ZNF85: variants seen among roughly 807,000 people sequenced by gnomAD.
ZNF85 encodes the protein zinc finger protein 85, also known as zinc finger protein 85 (HPF4, HTF1).
Under a neutral mutation model 53.9 loss-of-function variants are expected in ZNF85, and 50 were observed. The ratio of observed to expected loss-of-function variants is 0.93; its 90% CI spans 0.74 to 1.17. ZNF85 has a LOEUF of 1.17. ZNF85 is among the 50% of genes most tolerant of loss of function. ZNF85 has a pLI of 0.00. For synonymous variants in ZNF85, 225 were observed against 226.1 expected (o/e 1.00, Z 0.04); for missense variants, 747 against 688.5 (o/e 1.08, Z -0.95).
intron 3 of ZNF85, among the ~76,000 whole-genome samples, chr19:20,940,972 A>G (rs1973281465): frequency 2.0e-5 from 3 of 152,212 alleles, no homozygotes; most frequent in South Asian, 2.1e-4. Context: ...ATGCTCAAAT[A>G]TGTCTCCCAG....
chr19:20,941,501 G>A (rs528173010), intron 3 of ZNF85, among the ~76,000 whole-genome samples: 2 of 152,238 alleles, frequency 1.3e-5, no homozygotes, highest in East Asian at 3.9e-4. Context: ...GACCTCAAGT[G>A]ATCCACCCGT....
intron 1 of ZNF85, chr19:20,928,021 A>C (rs1163794906): frequency 6.6e-6 from 1 of 151,928 alleles, no homozygotes; most frequent in Non-Finnish European, 1.5e-5. Flanking sequence ...CATTTCTTTC[A>C]TTTGACTTCT....
At position 20,949,702 on chromosome 19, in the gene ZNF85, A is replaced by C; in HGVS notation, c.1188A>C (p.Lys396Asn). 6.2e-7 allele frequency: 1 copy of C among 1,613,108 alleles called. No homozygotes were observed. The highest frequency in any genetic ancestry group is 8.5e-7 in the Non-Finnish European group (1 of 1,179,470). ...TTHKIIHTGEKPYKCKECGKA... is the reference protein window; with the variant it reads ...TTHKIIHTGENPYKCKECGKA... Reference sequence around the variant, plus strand: ...ATAAGATAATTCATACTGGAGAGAAACCTTACAAATGTAAAGAATGTGGTA... The same window carrying C: ...ATAAGATAATTCATACTGGAGAGAACCCTTACAAATGTAAAGAATGTGGTA... The change falls in exon 4 of 4, where the codon AAA becomes AAC. Residue 396 changes from lysine (K) to asparagine (N), a missense_variant. Lys to Asn is a moderately conservative substitution (Grantham distance 94, BLOSUM62 0). Coordinates refer to ENST00000328178, the MANE Select transcript of ZNF85 (RefSeq NM_003429.5).
chr19:20,950,393 CAAT>C lies in ZNF85; in HGVS notation c.*95_*97del. 2.1e-6 allele frequency: 2 copies of C among 940,166 alleles called. No individual in the cohort carries two copies. The highest frequency in any genetic ancestry group is 2.7e-5 in the East Asian group (1 of 37,088). 58.2% of individuals were successfully genotyped at this position (940,166 alleles called of 1,614,324 possible). ...GAAACTACTAACCTGAAAGATGTGA[CAAT>C]AATTTTGACAACACCTCAGACTTAT... On this transcript the variant is annotated 3_prime_UTR_variant, in exon 4 of 4. Transcript: ENST00000328178.
intron 3 of ZNF85, chr19:20,942,927 T>C (rs2144655615): frequency 3.4e-6 from 2 of 592,284 alleles, no homozygotes; most frequent in Admixed American, 6.2e-5. Context: ...AGACATGCAG[T>C]ACTATGCCTG....
intron 3 of ZNF85, chr19:20,943,999 A>C (rs1973363970): frequency 3.2e-6 from 1 of 316,874 alleles, no homozygotes; most frequent in East Asian, 1.7e-4. Context: ...TTGACTCTAT[A>C]TTTTCCAGTT....
At chr19:20,923,446 G>C (rs1599422334) in intron 1 of ZNF85, 43 bp downstream of exon 1, 3 of 1,613,530 alleles carry the variant, frequency 1.9e-6, no homozygotes, top group East Asian at 4.5e-5. Context: ...AAAGGGGTTG[G>C]TTGAAACCGG....
rs764146973 is a variant in ZNF85 at position 20,934,942 on chromosome 19, A to T, written c.131-7A>T. The T allele has an allele frequency of 6.3e-7, 1 of 1,588,244 alleles. No homozygotes were observed. The highest frequency in any genetic ancestry group is 1.7e-5 in the Admixed American group (1 of 59,084). ...AAGATTTATATTATTTATTTTTAAT[A>T]AAACAGGTATTACTGTTTCTAAGCC... is the stretch of plus-strand genomic sequence containing the variant. On this transcript the variant is annotated splice_polypyrimidine_tract_variant and splice_region_variant and intron_variant, in intron 2 of 3. Transcript: ENST00000328178.
intron 1 of ZNF85, chr19:20,927,395 G>T (rs1972904100): frequency 6.6e-6 from 1 of 151,754 alleles, no homozygotes; most frequent in Admixed American, 6.6e-5. Context: ...GGAGGTTGTT[G>T]TGAGCTGTTA....
At chr19:20,929,597 G>A (rs1358181459) in intron 1 of ZNF85, among the ~76,000 whole-genome samples, 1 of 148,290 alleles carries the variant, frequency 6.7e-6, no homozygotes, top group Non-Finnish European at 1.5e-5. Context: ...AAAATTGAGG[G>A]GGCAGTGGCT....
At chr19:20,926,985 G>A (rs1972895342) in intron 1 of ZNF85, 1 of 152,226 alleles carries the variant, frequency 6.6e-6, no homozygotes, top group African/African-American at 2.4e-5. Context: ...AAAAAGGTGG[G>A]AGGGGAGTGG....
In ZNF85 at chr19:20,923,325, A is replaced by T. The variant is rs1398380889; in HGVS notation, c.-76A>T. On this transcript the variant is annotated 5_prime_UTR_variant, in exon 1 of 4. Transcript: ENST00000328178. ...TTGTGTTTTCTGCTCGTGGACGCCC[A>T]GCCTCTGTGGCCCTGTGGCCTGCAG... The T allele has an allele frequency of 1.2e-6, 2 of 1,610,016 alleles. No homozygotes were observed. The highest frequency in any genetic ancestry group is 2.7e-5 in the African/African-American group (2 of 74,782).
At chr19:20,932,230 C>CT (rs893786889) in intron 1 of ZNF85, among the ~76,000 whole-genome samples, 4 of 152,244 alleles carry the variant, frequency 2.6e-5, no homozygotes, top group South Asian at 2.1e-4. Context: ...AAAATGGCTT[C>CT]TTTTTTTAAA....
At chr19:20,942,744 A>G (rs1348687058) in intron 3 of ZNF85, 4 of 683,128 alleles carry the variant, frequency 5.9e-6, no homozygotes, top group Admixed American at 2.1e-5. Context: ...CACACAGTGT[A>G]TAATTTTTGT....
chr19:20,947,700 T>TA (rs1973456741), intron 3 of ZNF85, among the ~76,000 whole-genome samples: 2 of 151,538 alleles, frequency 1.3e-5, no homozygotes, highest in Admixed American at 1.3e-4. Flanking sequence ...TTGTTATAAA[T>TA]ATCTTTGTGT....
In ZNF85 at chr19:20,934,092, A is replaced by G. The variant is rs1004361824; in HGVS notation, c.72A>G (p.Ala24=). ...AGGAGTGGCAATGCCTGGACACTGC[A>G]CAGCGGAATTTATATAGAAATGTGA... ...SLKEWQCLDT[A]QRNLYRNVML... is the part of the protein sequence containing the mutation. The change falls in exon 2 of 4, where the codon GCA becomes GCG. Residue 24 remains alanine, a synonymous_variant. Coordinates refer to ENST00000328178, the MANE Select transcript of ZNF85 (RefSeq NM_003429.5). The G allele has an allele frequency of 3.1e-6, 5 of 1,612,966 alleles. No homozygotes were observed. The highest frequency in any genetic ancestry group is 1.1e-5 in the South Asian group (1 of 91,036).
chr19:20,935,775 C>T (rs1973144451), intron 3 of ZNF85, among the ~76,000 whole-genome samples: 1 of 151,886 alleles, frequency 6.6e-6, no homozygotes, highest in African/African-American at 2.4e-5. Context: ...TTCTCAAACT[C>T]CCAACCTCAG....
intron 1 of ZNF85, among the ~76,000 whole-genome samples, chr19:20,931,247 A>G (rs1051485910): frequency 6.6e-6 from 1 of 152,200 alleles, no homozygotes; most frequent in Non-Finnish European, 1.5e-5. Flanking sequence ...AACCTGCAGA[A>G]TCATATTACA....
intron 3 of ZNF85, among the ~76,000 whole-genome samples, chr19:20,947,870 T>C (rs1420072202): frequency 6.6e-6 from 1 of 152,012 alleles, no homozygotes; most frequent in Non-Finnish European, 1.5e-5. Context: ...GTGTTTCTAT[T>C]TTCCTCACTG....
Sources: allele counts gnomAD v4.1 joint callset (sites outside exome capture counted in the v4.1 genomes callset), GRCh38; gene constraint gnomAD v4.1.1; transcripts MANE v1.5; gene names NCBI Gene and HGNC (gene_info 2026-07-23, HGNC 2026-07-21).